CYTH3: variants seen among roughly 807,000 people sequenced by gnomAD.
The protein encoded by CYTH3 is cytohesin 3.
In CYTH3, 23 loss-of-function variants were observed where a neutral mutation model predicts 55.1. That is an observed-to-expected ratio of 0.42 (90% CI 0.30 to 0.59). The LOEUF (loss-of-function observed/expected upper bound fraction) is 0.59. Ranked by LOEUF, CYTH3 falls within the 20% of genes least tolerant of loss-of-function variation. CYTH3 has a pLI of 0.20. For synonymous variants in CYTH3, 249 were observed against 194.9 expected (o/e 1.28, Z -2.31); for missense variants, 413 against 524.8 (o/e 0.79, Z 2.08).
chr7:6,263,013 A>G (rs191313625), intron 1 of CYTH3, among the ~76,000 whole-genome samples: 7 of 152,294 alleles, frequency 4.6e-5, no homozygotes, highest in African/African-American at 9.6e-5. Context: ...TCATTAAGCA[A>G]CACCACTACC....
At position 6,246,961 on chromosome 7, in the gene CYTH3, G is replaced by A. The variant is rs188475401; in HGVS notation, c.34+25513C>T. The stretch of plus-strand genomic sequence containing the variant: ...TTTTAGTTGGTTAGAATATATCCAT[G>A]AACAAGTTTTGTTTAAGAAAAATTT... On this transcript the variant is annotated intron_variant, in intron 1 of 12. Coordinates refer to ENST00000350796, the MANE Select transcript of CYTH3 (RefSeq NM_004227.4). 2.0e-4 allele frequency among the ~76,000 whole-genome samples: 30 copies of A among 152,248 alleles called. No homozygotes were observed. In the East Asian group the frequency reaches 5.6e-3, roughly 28 times the overall value.
chr7:6,211,592 A>G (rs2128549331), intron 1 of CYTH3, among the ~76,000 whole-genome samples: 1 of 152,330 alleles, frequency 6.6e-6, no homozygotes, highest in East Asian at 1.9e-4. Flanking sequence ...TTCAAATCCC[A>G]AAGTGCTGGG....
At chr7:6,218,259 A>C (rs567514229) in intron 1 of CYTH3, among the ~76,000 whole-genome samples, 5 of 152,346 alleles carry the variant, frequency 3.3e-5, no homozygotes, top group Admixed American at 6.5e-5. Flanking sequence ...AAATGTCCAT[A>C]TAAGAAGAAA....
chr7:6,256,391 G>A (rs1456411153), intron 1 of CYTH3, among the ~76,000 whole-genome samples: 1 of 152,208 alleles, frequency 6.6e-6, no homozygotes, highest in Non-Finnish European at 1.5e-5. Flanking sequence ...ACTTCTCTCT[G>A]AAGACACAAA....
intron 1 of CYTH3, among the ~76,000 whole-genome samples, chr7:6,222,265 A>G (rs1326595108): frequency 6.6e-6 from 1 of 152,224 alleles, no homozygotes; most frequent in South Asian, 2.1e-4. Context: ...ATTAGGGCTT[A>G]GTCATTTTAA....
intron 4 of CYTH3, among the ~76,000 whole-genome samples, chr7:6,186,549 G>GT (rs111588332): frequency 0.017 from 2,560 of 152,228 alleles, 68 homozygotes; most frequent in African/African-American, 0.059. Context: ...AGGATCCCTT[G>GT]TTTTTTCACA....
chr7:6,194,839 G>A (rs1014111266), intron 1 of CYTH3, among the ~76,000 whole-genome samples: 3 of 151,180 alleles, frequency 2.0e-5, no homozygotes, highest in African/African-American at 4.9e-5. Flanking sequence ...GCTGGGTGCC[G>A]TGGCGGGCGC....
chr7:6,166,752 G>A (rs1013587611), intron 9 of CYTH3, among the ~76,000 whole-genome samples: 3 of 152,140 alleles, frequency 2.0e-5, no homozygotes, highest in African/African-American at 7.2e-5. Context: ...GGTCTCTGCA[G>A]TCCCTCTGGG....
At chr7:6,214,546 C>A (rs1784386807) in intron 1 of CYTH3, among the ~76,000 whole-genome samples, 1 of 152,150 alleles carries the variant, frequency 6.6e-6, no homozygotes, top group Non-Finnish European at 1.5e-5. Flanking sequence ...AGAGAAGTGT[C>A]ATTTTCAGCC....
Position 6,175,919 on chromosome 7 carries a change from C to T in CYTH3, c.368+1904G>A, listed in dbSNP as rs959647912. 3.3e-5 allele frequency among the ~76,000 whole-genome samples: 5 copies of T among 152,108 alleles called. No homozygotes were observed. The East Asian group carries it at 9.6e-4, about 29-fold the overall frequency. On this transcript the variant is annotated intron_variant, in intron 5 of 12. Transcript: ENST00000350796. The stretch of plus-strand genomic sequence containing the variant: ...TTAGACTGCTGTGGTTATTTTGGGT[C>T]CCTTGAATTTTCCATAGTAATTTTA...
chr7:6,218,936 C>T (rs867062356), intron 1 of CYTH3, among the ~76,000 whole-genome samples: 4 of 133,896 alleles, frequency 3.0e-5, no homozygotes, highest in South Asian at 2.6e-4. Flanking sequence ...ACCCGGGAGG[C>T]GGAGGTTGCA....
At chr7:6,251,709 G>C (rs1779976196) in intron 1 of CYTH3, among the ~76,000 whole-genome samples, 1 of 152,138 alleles carries the variant, frequency 6.6e-6, no homozygotes, top group African/African-American at 2.4e-5. Flanking sequence ...CTGATGCCCT[G>C]AACCACGGAA....
At chr7:6,251,181 A>G (rs993888894) in intron 1 of CYTH3, among the ~76,000 whole-genome samples, 1 of 152,212 alleles carries the variant, frequency 6.6e-6, no homozygotes, top group African/African-American at 2.4e-5. Flanking sequence ...AAGTTGAAGC[A>G]GGAGAATCGC....
chr7:6,218,636 G>C, intron 1 of CYTH3, among the ~76,000 whole-genome samples: 1 of 152,180 alleles, frequency 6.6e-6, no homozygotes, highest in Non-Finnish European at 1.5e-5. Context: ...AAGGGACAGA[G>C]GCTGGAATAA....
At chr7:6,177,690 C>T (rs993433465) in intron 5 of CYTH3, 133 bp downstream of exon 5, 2 of 689,120 alleles carry the variant, frequency 2.9e-6, no homozygotes, top group African/African-American at 1.8e-5. Context: ...TTGAGACGGG[C>T]ATGTGGATGC....
chr7:6,208,187 T>A (rs1192424123), intron 1 of CYTH3, among the ~76,000 whole-genome samples: 2 of 152,176 alleles, frequency 1.3e-5, no homozygotes, highest in African/African-American at 4.8e-5. Flanking sequence ...CAGATAAACT[T>A]AGCAATAAAC....
At chr7:6,168,675 C>T (rs939877811) in intron 9 of CYTH3, among the ~76,000 whole-genome samples, 5 of 152,210 alleles carry the variant, frequency 3.3e-5, no homozygotes, top group Admixed American at 6.5e-5. Flanking sequence ...TCTTGGTTCC[C>T]GTGAGCACTG....
chr7:6,202,538 A>G (rs1451578370), intron 1 of CYTH3, among the ~76,000 whole-genome samples: 1 of 146,340 alleles, frequency 6.8e-6, no homozygotes, highest in Non-Finnish European at 1.5e-5. Flanking sequence ...ATCTCAGCTC[A>G]CCGCAACCTC....
intron 4 of CYTH3, among the ~76,000 whole-genome samples, chr7:6,180,250 A>T (rs187050472): frequency 3.6e-4 from 55 of 152,328 alleles, no homozygotes; most frequent in Admixed American, 7.2e-4. Flanking sequence ...CCTGGGCATG[A>T]GGCTCCCATG....
Sources: allele counts gnomAD v4.1 joint callset (sites outside exome capture counted in the v4.1 genomes callset), GRCh38; gene constraint gnomAD v4.1.1; transcripts MANE v1.5; gene names NCBI Gene and HGNC (gene_info 2026-07-23, HGNC 2026-07-21).